Variants in RNF10 observed in about 807,000 individuals in gnomAD.
RNF10 encodes ring finger protein 10.
Under a neutral mutation model 91.4 loss-of-function variants are expected in RNF10, and 38 were observed. The observed-to-expected ratio is 0.42, with a 90% CI of 0.32 to 0.54. RNF10 has a LOEUF of 0.54. RNF10 is among the 20% of genes least tolerant of loss of function. The pLI is 0.16. For synonymous variants in RNF10, 364 were observed against 366.3 expected (o/e 0.99, Z 0.07); for missense variants, 945 against 1,012.0 (o/e 0.93, Z 0.90).
chr12:120,555,977 C>T (rs150416049), intron 4 of RNF10, among the ~76,000 whole-genome samples: 271 of 151,338 alleles, frequency 1.8e-3, no homozygotes, highest in African/African-American at 5.9e-3. Context: ...TCATTAGAGA[C>T]GGGGTTCCAC....
chr12:120,558,092 G>A (rs1874297374), intron 6 of RNF10, among the ~76,000 whole-genome samples: 1 of 152,108 alleles, frequency 6.6e-6, no homozygotes, highest in South Asian at 2.1e-4. Context: ...GTTTCATGCA[G>A]AAATGAGCAT....
At chr12:120,542,015 C>T (rs1047527518) in intron 1 of RNF10, among the ~76,000 whole-genome samples, 7 of 151,534 alleles carry the variant, frequency 4.6e-5, no homozygotes, top group African/African-American at 7.3e-5. Flanking sequence ...TACAGGCTCC[C>T]GCCACCACGC....
chr12:120,553,612 C>A (rs1348096347), intron 3 of RNF10, among the ~76,000 whole-genome samples: 1 of 151,714 alleles, frequency 6.6e-6, no homozygotes, highest in African/African-American at 2.4e-5. Context: ...ACCGTATTAG[C>A]CAGGATGGTC....
intron 9 of RNF10, 56 bp from the exon 10 acceptor site, chr12:120,563,754 G>A: frequency 6.2e-7 from 1 of 1,601,764 alleles, no homozygotes; most frequent in Admixed American, 1.7e-5. Flanking sequence ...GGGAGGGGTG[G>A]GGAGCCTCCT....
At chr12:120,545,527 A>G (rs961655519) in intron 1 of RNF10, among the ~76,000 whole-genome samples, 1 of 150,518 alleles carries the variant, frequency 6.6e-6, no homozygotes, top group African/African-American at 2.4e-5. Flanking sequence ...CTGATCCAAT[A>G]TGCTTTTATT....
rs756032228 is a variant in RNF10, at chr12:120,563,955, CT to C, written c.1665+13del. 6.2e-7 allele frequency: 1 copy of C among 1,614,036 alleles called. No individual in the cohort carries two copies. Among genetic ancestry groups the C allele is most frequent in the Non-Finnish European group, 8.5e-7 (1 of 1,179,956 alleles). On this transcript the variant is annotated intron_variant, in intron 10 of 16. Coordinates refer to ENST00000325954, the MANE Select transcript of RNF10 (RefSeq NM_014868.5). ...ACTCCATGTCTGAGGTGAGGCCTTC[CT>C]GTAGAAATGGAGGGTCAGGCAGCAG...
intron 1 of RNF10, among the ~76,000 whole-genome samples, chr12:120,539,773 T>A (rs534449269): frequency 1.3e-5 from 2 of 152,104 alleles, no homozygotes; most frequent in Non-Finnish European, 2.9e-5. Context: ...CATTTTGGAA[T>A]GTGTCTTGAC....
intron 1 of RNF10, among the ~76,000 whole-genome samples, chr12:120,539,720 CATTT>C (rs982203485): frequency 4.6e-5 from 7 of 151,926 alleles, no homozygotes; most frequent in Non-Finnish European, 8.8e-5. Context: ...GTTTTTAAGT[CATTT>C]ATTTGTCGAC....
At chr12:120,535,085 C>G in intron 1 of RNF10, 117 bp downstream of exon 1, 1 of 1,132,324 alleles carries the variant, frequency 8.8e-7, no homozygotes, top group Non-Finnish European at 1.2e-6. Flanking sequence ...ATAGCTCCTA[C>G]CTGCCCTTTT....
chr12:120,571,561 GA>G (rs1876630181), intron 14 of RNF10, among the ~76,000 whole-genome samples: 1 of 152,208 alleles, frequency 6.6e-6, no homozygotes, highest in South Asian at 2.1e-4. Flanking sequence ...ATAATCATGG[GA>G]GGCATTCTTA....
At position 120,534,676 on chromosome 12, in the gene RNF10, G is replaced by A; in HGVS notation, c.-136G>A. ...TTCCTAGTTTGAGAAGCCAAGGAAG[G>A]AAACAGGGAAAAATGTCGCCATGAA... On this transcript the variant is annotated 5_prime_UTR_variant, in exon 1 of 17. Coordinates refer to ENST00000325954, the MANE Select transcript of RNF10 (RefSeq NM_014868.5). 1 of 1,379,450 alleles carries A rather than the reference G, an allele frequency of 7.2e-7. No individual in the cohort carries two copies. The highest frequency in any genetic ancestry group is 1.7e-5 in the South Asian group (1 of 59,820). The allele number at this position is 1,379,450 out of a possible 1,614,324, so 85.5% of individuals were successfully genotyped here.
chr12:120,552,745 G>T, intron 3 of RNF10, 47 bp downstream of exon 3: 1 of 1,544,804 alleles, frequency 6.5e-7, no homozygotes, highest in Non-Finnish European at 8.9e-7. Flanking sequence ...GGACTCTCCG[G>T]ATAGCTGTGG....
intron 2 of RNF10, among the ~76,000 whole-genome samples, chr12:120,551,359 A>C (rs569321207): frequency 8.6e-6 from 1 of 115,684 alleles, no homozygotes; most frequent in South Asian, 3.1e-4. Context: ...CAATGGTGTG[A>C]TCTTGGCTCA....
chr12:120,575,380 C>A, intron 14 of RNF10: 1 of 489,014 alleles, frequency 2.0e-6, no homozygotes, highest in Non-Finnish European at 3.7e-6. Context: ...GCCTTCTGTG[C>A]AGTGTTCTTT....
chr12:120,568,102 A>G (rs920317230), intron 13 of RNF10, among the ~76,000 whole-genome samples: 1 of 151,840 alleles, frequency 6.6e-6, no homozygotes, highest in Non-Finnish European at 1.5e-5. Context: ...AAATTTAGCC[A>G]GGTGTGGTAG....
rs749991782 is a variant in RNF10 at position 120,557,472 on chromosome 12, A to G, written c.830+6A>G. The G allele has an allele frequency of 6.2e-7, 1 of 1,613,754 alleles. No individual in the cohort carries two copies. The highest frequency in any genetic ancestry group is 1.7e-5 in the Admixed American group (1 of 60,010). Reference sequence around the variant, plus strand: ...CATAAGAAGGATCTCAAGAGGTGAGATTGAGACATTTACTCAGTTAGATCC... The same window carrying G: ...CATAAGAAGGATCTCAAGAGGTGAGGTTGAGACATTTACTCAGTTAGATCC... On this transcript the variant is annotated splice_donor_region_variant and intron_variant, in intron 5 of 16. Transcript: ENST00000325954.
At chr12:120,552,935 C>T (rs999289391) in intron 3 of RNF10, among the ~76,000 whole-genome samples, 3 of 150,820 alleles carry the variant, frequency 2.0e-5, no homozygotes, top group Non-Finnish European at 4.4e-5. Context: ...AGGTAGAAAA[C>T]ATGTTTGGAA....
chr12:120,538,149 A>G (rs1356232960), intron 1 of RNF10, among the ~76,000 whole-genome samples: 1 of 152,220 alleles, frequency 6.6e-6, no homozygotes, highest in Non-Finnish European at 1.5e-5. Flanking sequence ...CAGAGTACTG[A>G]GTTGAGGGGA....
In RNF10 at chr12:120,562,267, CTTTCTTTTT is replaced by C. The variant is rs1054818919; in HGVS notation, c.1129-674_1129-666del. ...CGATATTTGGTTTTTCTTTTTCTTT[CTTTCTTTTT>C]TTTTTTTTTTTTTTTGAGACAGAGT... On this transcript the variant is annotated intron_variant, in intron 7 of 16. Coordinates refer to ENST00000325954, the MANE Select transcript of RNF10 (RefSeq NM_014868.5). Among the ~76,000 whole-genome samples, 12 of 102,182 alleles carry C rather than the reference CTTTCTTTTT, an allele frequency of 1.2e-4. No homozygotes were observed. In the East Asian group the frequency reaches 1.3e-3, roughly 11 times the overall value. The allele number at this position is 102,182 out of a possible 152,430, so 67.0% of individuals were successfully genotyped here. A position where few individuals can be genotyped will look rare whatever the true frequency, so the allele number is the denominator to read the frequency against.
Sources: gnomAD v4.1 joint callset for allele counts (sites outside exome capture counted in the v4.1 genomes callset) on GRCh38, gnomAD v4.1.1 for gene constraint, MANE v1.5 for transcripts, NCBI Gene and HGNC (gene_info 2026-07-23, HGNC 2026-07-21) for gene names.